GALNT13: variants seen among roughly 807,000 people sequenced by gnomAD.
The protein encoded by GALNT13 is UDP-GalNAc:polypeptide N-acetylgalactosaminyltransferase 13.
A neutral mutation model predicts 64.2 loss-of-function variants in GALNT13; 28 were observed. The observed-to-expected ratio is 0.44, with a 90% CI of 0.32 to 0.60. GALNT13 has a LOEUF of 0.60. Among genes scored for constraint, GALNT13 ranks in the 20% least tolerant of loss-of-function variants. The pLI is 0.05. For synonymous variants in GALNT13, 214 were observed against 224.6 expected, an observed-to-expected ratio of 0.95 and a Z score of 0.42; for missense variants, 577 against 669.8, an observed-to-expected ratio of 0.86 and a Z score of 1.53.
the GALNT13 span, among the ~76,000 whole-genome samples, chr2:153,417,481 C>G: frequency 1.3e-5 from 2 of 152,114 alleles, no homozygotes; most frequent in Non-Finnish European, 2.9e-5. Flanking sequence ...TTGCCATAAT[C>G]CAGGCGAGAG....
intron 1 of GALNT13, among the ~76,000 whole-genome samples, chr2:153,886,571 G>T (rs1283700040): frequency 1.3e-5 from 2 of 152,028 alleles, no homozygotes; most frequent in Non-Finnish European, 2.9e-5. Context: ...CTCACTCATA[G>T]GTGGGAATTG....
chr2:153,655,395 T>C, the GALNT13 span, among the ~76,000 whole-genome samples: 1 of 152,118 alleles, frequency 6.6e-6, no homozygotes, highest in Non-Finnish European at 1.5e-5. Flanking sequence ...TAAATTTTAG[T>C]ATCCCTGACA....
At chr2:153,313,634 A>C in the GALNT13 span, among the ~76,000 whole-genome samples, 2 of 152,224 alleles carry the variant, frequency 1.3e-5, no homozygotes, top group African/African-American at 4.8e-5. Context: ...TAATTTGTAC[A>C]ACAAACTCTT....
At chr2:153,349,958 T>C in the GALNT13 span, among the ~76,000 whole-genome samples, 3 of 152,154 alleles carry the variant, frequency 2.0e-5, no homozygotes, top group South Asian at 4.1e-4. Context: ...CTCAAAAAAT[T>C]TAAATCCTAG....
At chr2:153,569,109 G>T in the GALNT13 span, among the ~76,000 whole-genome samples, 2 of 151,976 alleles carry the variant, frequency 1.3e-5, no homozygotes, top group Admixed American at 6.6e-5. Flanking sequence ...GGTTTTTTTG[G>T]GGGGTACAGT....
intron 2 of GALNT13, among the ~76,000 whole-genome samples, chr2:153,928,160 CA>C (rs754615902): frequency 4.6e-5 from 7 of 152,034 alleles, no homozygotes; most frequent in Non-Finnish European, 7.4e-5. Context: ...TACAATTTTA[CA>C]AGATAATATA....
intron 9 of GALNT13, among the ~76,000 whole-genome samples, chr2:154,330,537 A>G (rs1416355325): frequency 6.6e-6 from 1 of 152,090 alleles, no homozygotes; most frequent in Non-Finnish European, 1.5e-5. Flanking sequence ...TTAACTGACG[A>G]GGCTGTGTGG....
At chr2:153,152,614 T>A in the GALNT13 span, among the ~76,000 whole-genome samples, 2 of 152,112 alleles carry the variant, frequency 1.3e-5, no homozygotes, top group Non-Finnish European at 2.9e-5. Flanking sequence ...TGTGTCCATG[T>A]GTTCTCATCA....
the GALNT13 span, among the ~76,000 whole-genome samples, chr2:153,366,643 C>T: frequency 6.2e-4 from 91 of 145,756 alleles, 1 homozygote; most frequent in African/African-American, 1.8e-3. Flanking sequence ...AAAATATTTC[C>T]GAAATTAATG....
the GALNT13 span, among the ~76,000 whole-genome samples, chr2:153,744,449 T>A: frequency 2.0e-5 from 3 of 152,212 alleles, no homozygotes; most frequent in Non-Finnish European, 2.9e-5. Flanking sequence ...CACCTTTTCA[T>A]ATGCGTATGT....
intron 11 of GALNT13, among the ~76,000 whole-genome samples, chr2:154,416,170 A>T (rs1467444119): frequency 6.6e-6 from 1 of 152,070 alleles, no homozygotes. Context: ...ATGCTGTCTT[A>T]GTCTATCTGG....
At chr2:154,085,494 A>G (rs905924495) in intron 3 of GALNT13, among the ~76,000 whole-genome samples, 1 of 152,022 alleles carries the variant, frequency 6.6e-6, no homozygotes, top group African/African-American at 2.4e-5. Flanking sequence ...ACACTATGAA[A>G]GACAGGATGG....
At chr2:154,031,708 CA>C (rs1698350636) in intron 3 of GALNT13, among the ~76,000 whole-genome samples, 1 of 151,568 alleles carries the variant, frequency 6.6e-6, no homozygotes, top group Non-Finnish European at 1.5e-5. Flanking sequence ...CCTTCAGTCC[CA>C]AAAAACTATT....
the GALNT13 span, among the ~76,000 whole-genome samples, chr2:153,337,275 A>G: frequency 6.6e-6 from 1 of 152,218 alleles, no homozygotes; most frequent in Middle Eastern, 3.2e-3. Context: ...ATCAGTGGGA[A>G]TCTTAAGAAC....
chr2:154,416,182 T>A (rs1699998966), intron 11 of GALNT13, among the ~76,000 whole-genome samples: 1 of 152,044 alleles, frequency 6.6e-6, no homozygotes, highest in Non-Finnish European at 1.5e-5. Flanking sequence ...TCTATCTGGG[T>A]TGCTATAATA....
intron 3 of GALNT13, among the ~76,000 whole-genome samples, chr2:153,978,928 A>G (rs956410882): frequency 1.3e-5 from 2 of 151,978 alleles, no homozygotes; most frequent in Non-Finnish European, 2.9e-5. Context: ...AGGGCAGCTG[A>G]GCTAGACTCT....
intron 10 of GALNT13, among the ~76,000 whole-genome samples, chr2:154,399,007 G>A (rs372321672): frequency 2.0e-5 from 3 of 152,296 alleles, no homozygotes; most frequent in African/African-American, 7.2e-5. Context: ...GTTAACTATT[G>A]AAGTTAGGAT....
At chr2:154,439,295 T>A (rs1052702565) in intron 12 of GALNT13, among the ~76,000 whole-genome samples, 3 of 152,114 alleles carry the variant, frequency 2.0e-5, no homozygotes, top group African/African-American at 7.2e-5. Context: ...ACCACAAAAT[T>A]ACTGTTGGAA....
intron 3 of GALNT13, among the ~76,000 whole-genome samples, chr2:154,120,883 A>G (rs1364470389): frequency 6.6e-6 from 1 of 152,150 alleles, no homozygotes; most frequent in Non-Finnish European, 1.5e-5. Context: ...GCTAGTCACT[A>G]TGACCTGCAC....
Sources: gnomAD v4.1 joint callset for allele counts (sites outside exome capture counted in the v4.1 genomes callset) on GRCh38, gnomAD v4.1.1 for gene constraint, MANE v1.5 for transcripts, NCBI Gene and HGNC (gene_info 2026-07-23, HGNC 2026-07-21) for gene names.